The following TPRG1 variants were observed in gnomAD, a reference collection of about 807,000 sequenced individuals.
The protein encoded by TPRG1 is tumor protein p63 regulated 1.
In TPRG1, 29 loss-of-function variants were observed where a neutral mutation model predicts 29.3. That is an observed-to-expected ratio of 0.99 (90% CI 0.74 to 1.35). The LOEUF is 1.35. Ranked by LOEUF, TPRG1 falls within the 40% of genes most tolerant of loss-of-function variation. TPRG1 has a pLI of 0.00. For missense variants in TPRG1, 327 were observed against 335.0 expected (o/e 0.98, Z 0.19); for synonymous variants, 130 against 116.8 (o/e 1.11, Z -0.73).
intron 1 of TPRG1, among the ~76,000 whole-genome samples, chr3:189,206,529 C>G (rs1734404036): frequency 7.6e-6 from 1 of 132,362 alleles, no homozygotes; most frequent in Non-Finnish European, 1.5e-5. Flanking sequence ...GAGACAGGGT[C>G]TTGCTCTGTT....
chr3:189,191,039 G>T (rs1396322762), intron 1 of TPRG1: 6 of 960,340 alleles, frequency 6.2e-6, no homozygotes, highest in Non-Finnish European at 1.2e-6. Context: ...GCTAATTTTG[G>T]TCATTGCTTA....
intron 4 of TPRG1, among the ~76,000 whole-genome samples, chr3:189,063,513 C>T (rs1430056028): frequency 6.6e-6 from 1 of 151,876 alleles, no homozygotes; most frequent in Non-Finnish European, 1.5e-5. Context: ...ATATTCTGAG[C>T]CATAAAATAT....
rs192869433 is a variant in TPRG1 at position 189,091,086 on chromosome 3, G to A, written c.-462-35971G>A. Among the ~76,000 whole-genome samples, 662 of 152,164 alleles carry A rather than the reference G, an allele frequency of 4.4e-3. 2 individuals are homozygous for A. The highest frequency in any genetic ancestry group is 0.011 in the Admixed American group (166 of 15,290). ...ATTATGCTCAATTCATTGACTTATT[G>A]TAGGGATTAAGGAAATGATTACATG... On this transcript the variant is annotated intron_variant, in intron 4 of 10. Transcript: ENST00000433971.
intron 4 of TPRG1, among the ~76,000 whole-genome samples, chr3:189,056,266 T>TGCCA (rs1715690977): frequency 6.6e-6 from 1 of 152,086 alleles, no homozygotes; most frequent in Admixed American, 6.5e-5. Context: ...CAGCTAATTT[T>TGCCA]TGTATTTTCA....
At chr3:189,295,178 G>A (rs1281238611) in intron 4 of TPRG1, among the ~76,000 whole-genome samples, 1 of 152,138 alleles carries the variant, frequency 6.6e-6, no homozygotes, top group African/African-American at 2.4e-5. Context: ...CAAATCAGAT[G>A]TGGAATCTGC....
At chr3:189,155,450 G>A (rs1018372686) in intron 5 of TPRG1, among the ~76,000 whole-genome samples, 1 of 152,004 alleles carries the variant, frequency 6.6e-6, no homozygotes, top group African/African-American at 2.4e-5. Context: ...AGAGATCTTG[G>A]GATGGGGAGA....
intron 2 of TPRG1, among the ~76,000 whole-genome samples, chr3:189,002,919 G>A (rs183432809): frequency 9.8e-4 from 149 of 152,172 alleles, no homozygotes; most frequent in African/African-American, 3.3e-3. Context: ...ACTCCAAGAG[G>A]TTTGAATGAT....
intron 2 of TPRG1, among the ~76,000 whole-genome samples, chr3:189,209,704 T>C (rs1282177110): frequency 6.6e-6 from 1 of 152,212 alleles, no homozygotes; most frequent in Admixed American, 6.5e-5. Flanking sequence ...AGTCCAATAC[T>C]TTCCTGACCA....
In TPRG1 at chr3:189,238,908, A is replaced by G; in HGVS notation, c.478A>G (p.Lys160Glu). ...KFTFPGMSLD[K>E]RQGEGLRIYW... ...CACCTTCCCTGGGATGTCCCTGGACAAGTGAGTATATATCTTATACTTGAA... is the reference window on the plus strand; with the variant it reads ...CACCTTCCCTGGGATGTCCCTGGACGAGTGAGTATATATCTTATACTTGAA... Residue 160 changes from lysine to glutamate, a missense_variant and splice_region_variant, in exon 4 of 6, where the codon AAG becomes GAG. Lys to Glu is a moderately conservative substitution (Grantham distance 56). Transcript: ENST00000345063. The G allele has an allele frequency of 6.2e-7, 1 of 1,610,308 alleles. No individual in the cohort carries two copies. The highest frequency in any genetic ancestry group is 8.5e-7 in the Non-Finnish European group (1 of 1,177,800).
exon 2 of TPRG1, chr3:189,000,835 A>G (rs710499): frequency 0.89 from 134,724 of 152,068 alleles, 61,640 homozygotes; most frequent in Non-Finnish European, 1. Flanking sequence ...TGCAGCCACA[A>G]ATTCCTGGGC....
chr3:189,258,454 T>C (rs1712323291), intron 4 of TPRG1, among the ~76,000 whole-genome samples: 3 of 152,244 alleles, frequency 2.0e-5, no homozygotes, highest in Middle Eastern at 3.4e-3. Flanking sequence ...CTGCTGGACG[T>C]GTCTCCCCAT....
intron 5 of TPRG1, chr3:189,315,473 G>C (rs536305930): frequency 4.4e-6 from 2 of 452,428 alleles, no homozygotes; most frequent in African/African-American, 4.0e-5. Flanking sequence ...TTTAACCATC[G>C]CTTTGCTGGG....
At chr3:189,318,685 C>A (rs1016458538) in intron 5 of TPRG1, among the ~76,000 whole-genome samples, 1 of 152,124 alleles carries the variant, frequency 6.6e-6, no homozygotes. Flanking sequence ...GCCTCAGGTA[C>A]CTGCTGTCCC....
chr3:189,089,259 A>G (rs1406765201), intron 4 of TPRG1, among the ~76,000 whole-genome samples: 1 of 152,224 alleles, frequency 6.6e-6, no homozygotes, highest in Non-Finnish European at 1.5e-5. Flanking sequence ...TTCCTTTAAC[A>G]GAAATACTCT....
intron 1 of TPRG1, among the ~76,000 whole-genome samples, chr3:189,194,161 G>T (rs1420538836): frequency 5.3e-5 from 8 of 151,932 alleles, no homozygotes; most frequent in African/African-American, 1.9e-4. Flanking sequence ...TATGATCTCT[G>T]TGCAGCTTCT....
At chr3:189,220,796 G>A (rs1320707139) in intron 3 of TPRG1, among the ~76,000 whole-genome samples, 1 of 152,132 alleles carries the variant, frequency 6.6e-6, no homozygotes, top group Non-Finnish European at 1.5e-5. Context: ...TGTCTGCATA[G>A]TATTCCATGG....
intron 3 of TPRG1, among the ~76,000 whole-genome samples, chr3:189,142,855 C>T (rs75980245): frequency 0.024 from 3,624 of 152,292 alleles, 153 homozygotes; most frequent in African/African-American, 0.082. Context: ...TTAGAGAAAG[C>T]AAACACTTCC....
At chr3:189,317,711 TA>T (rs1723764391) in intron 5 of TPRG1, among the ~76,000 whole-genome samples, 1 of 152,208 alleles carries the variant, frequency 6.6e-6, no homozygotes, top group Non-Finnish European at 1.5e-5. Flanking sequence ...ATGGGGGACA[TA>T]TGACAATGTC....
At chr3:189,086,694 A>AT (rs1202488182) in intron 4 of TPRG1, among the ~76,000 whole-genome samples, 1 of 151,870 alleles carries the variant, frequency 6.6e-6, no homozygotes, top group Admixed American at 6.6e-5. Flanking sequence ...CGCCCAGCTA[A>AT]TTTTTTGTAT....
Sources: gnomAD v4.1 joint callset for allele counts (sites outside exome capture counted in the v4.1 genomes callset) on GRCh38, gnomAD v4.1.1 for gene constraint, MANE v1.5 for transcripts, NCBI Gene and HGNC (gene_info 2026-07-23, HGNC 2026-07-21) for gene names.